DNAH9: variants seen among roughly 807,000 people sequenced by gnomAD.
DNAH9 encodes the protein DNAH9 variant protein.
A neutral mutation model predicts 471.6 loss-of-function variants in DNAH9; 345 were observed. The ratio of observed to expected loss-of-function variants is 0.73; its 90% CI spans 0.67 to 0.80. The LOEUF is 0.80. Ranked by LOEUF, DNAH9 falls within the 30% of genes least tolerant of loss-of-function variation. The pLI is 0.00. For synonymous variants in DNAH9, 2,093 were observed against 2,123.6 expected (o/e 0.99, Z 0.40); for missense variants, 5,407 against 5,609.2 (o/e 0.96, Z 1.15).
At chr17:11,965,122 G>A (rs529113286) in intron 68 of DNAH9, among the ~76,000 whole-genome samples, 1 of 152,328 alleles carries the variant, frequency 6.6e-6, no homozygotes, top group East Asian at 1.9e-4. Context: ...CCCCTGACAT[G>A]TTCCTGGAAA....
At chr17:11,917,920 A>G (rs572250016) in intron 61 of DNAH9, among the ~76,000 whole-genome samples, 7 of 152,024 alleles carry the variant, frequency 4.6e-5, no homozygotes, top group Non-Finnish European at 1.5e-5. Context: ...CTGCAGCATC[A>G]TCTTGCTTGG....
intron 62 of DNAH9, among the ~76,000 whole-genome samples, chr17:11,926,168 G>T (rs1201081591): frequency 6.6e-5 from 10 of 151,688 alleles, no homozygotes. Flanking sequence ...ATAGGCTAAT[G>T]GTTCTGAGAA....
intron 28 of DNAH9, among the ~76,000 whole-genome samples, chr17:11,728,364 A>G (rs1052951855): frequency 6.6e-6 from 1 of 152,122 alleles, no homozygotes; most frequent in African/African-American, 2.4e-5. Flanking sequence ...ATATGGCATG[A>G]ATCGTTTTTG....
Position 11,869,115 on chromosome 17 carries a change from T to C in DNAH9, c.9934-19T>C, listed in dbSNP as rs1186900075. 6.2e-7 allele frequency: 1 copy of C among 1,611,912 alleles called. No individual in the cohort carries two copies. Among genetic ancestry groups the C allele is most frequent in the Admixed American group, 1.7e-5 (1 of 59,794 alleles). On this transcript the variant is annotated intron_variant, in intron 50 of 68. Coordinates refer to ENST00000262442, the MANE Select transcript of DNAH9 (RefSeq NM_001372.4). ...ATGGGCCGAAATGACTGATGGTCCT[T>C]GTATTCCTTCCTAAACAGCACCTTA...
In DNAH9 at chr17:11,859,333, A is replaced by G. The variant is rs142854841; in HGVS notation, c.9933+4905A>G. Among the ~76,000 whole-genome samples, 1,288 of 147,944 alleles carry G rather than the reference A, an allele frequency of 8.7e-3. 19 individuals carry two copies. Among genetic ancestry groups the G allele is most frequent in the African/African-American group, 0.031 (1,228 of 39,658 alleles). On this transcript the variant is annotated intron_variant, in intron 50 of 68. Transcript: ENST00000262442. Reference sequence around the variant, plus strand: ...AGGCTGAGGCAGAAGAATTGCTTGAACCTGGAAGGCAGAGGTTGCAGTGAG... The same window carrying G: ...AGGCTGAGGCAGAAGAATTGCTTGAGCCTGGAAGGCAGAGGTTGCAGTGAG...
chr17:11,879,978 A>C (rs1216913424), intron 53 of DNAH9, 100 bp from the exon 54 acceptor site: 1 of 1,411,994 alleles, frequency 7.1e-7, no homozygotes, highest in African/African-American at 1.4e-5. Flanking sequence ...GCCTCCAACT[A>C]TACCACCATG....
At chr17:11,606,840 C>G (rs1393811210) in intron 1 of DNAH9, among the ~76,000 whole-genome samples, 1 of 152,168 alleles carries the variant, frequency 6.6e-6, no homozygotes, top group Non-Finnish European at 1.5e-5. Flanking sequence ...ACTCTCCTCT[C>G]ATATTAACTT....
At chr17:11,935,230 G>A (rs1408057076) in intron 65 of DNAH9, among the ~76,000 whole-genome samples, 1 of 151,986 alleles carries the variant, frequency 6.6e-6, no homozygotes, top group African/African-American at 2.4e-5. Flanking sequence ...CCAAAGTGCT[G>A]GGATTACAGG....
At chr17:11,662,674 T>A (rs558499588) in intron 14 of DNAH9, among the ~76,000 whole-genome samples, 1 of 151,902 alleles carries the variant, frequency 6.6e-6, no homozygotes, top group African/African-American at 2.4e-5. Context: ...ATTTTTTTCC[T>A]TTAAAGAGTT....
intron 48 of DNAH9, among the ~76,000 whole-genome samples, chr17:11,829,133 G>A (rs561532105): frequency 3.3e-5 from 5 of 152,150 alleles, no homozygotes; most frequent in African/African-American, 4.8e-5. Flanking sequence ...GATTCTTCTA[G>A]TAAAAATGGT....
At chr17:11,931,698 C>T (rs765375971) in intron 63 of DNAH9, among the ~76,000 whole-genome samples, 41 of 152,154 alleles carry the variant, frequency 2.7e-4, no homozygotes, top group Admixed American at 7.9e-4. Flanking sequence ...CCCCACACCC[C>T]GGTACATAAC....
chr17:11,893,691 C>T (rs933834309), intron 58 of DNAH9, among the ~76,000 whole-genome samples: 1 of 152,028 alleles, frequency 6.6e-6, no homozygotes, highest in African/African-American at 2.4e-5. Flanking sequence ...CAGGGAATGT[C>T]ACACACTGGG....
At chr17:11,766,316 A>T (rs1012402217) in intron 36 of DNAH9, among the ~76,000 whole-genome samples, 2 of 151,942 alleles carry the variant, frequency 1.3e-5, no homozygotes, top group African/African-American at 2.4e-5. Context: ...AAAAAAAAAA[A>T]AAAGTCCTGG....
chr17:11,680,884 G>A lies in DNAH9; in HGVS notation c.3738G>A (p.Pro1246=), dbSNP rs192673174. Residue 1246 remains proline (P), a synonymous_variant, in exon 19 of 69, where the codon CCG becomes CCA. Transcript: ENST00000262442. ...GGGAGCAATTCCACAAAGAAGCCCC[G>A]TTCAGGTATGGGCCGAACACTGCTG... ...QFWEQFHKEA[P]FRFDSIHPHQ... is the part of the protein sequence containing the mutation. 64 of 1,609,532 alleles carry A rather than the reference G, an allele frequency of 4.0e-5. No homozygotes were observed. The highest frequency in any genetic ancestry group is 1.8e-4 in the Middle Eastern group (1 of 5,546).
chr17:11,843,011 T>G (rs1229836941), intron 49 of DNAH9, among the ~76,000 whole-genome samples: 1 of 138,508 alleles, frequency 7.2e-6, no homozygotes, highest in Non-Finnish European at 1.7e-5. Context: ...CTCAGTAAAG[T>G]AGGAATAAAA....
chr17:11,810,469 T>C (rs1387715366), intron 45 of DNAH9, 100 bp downstream of exon 45: 1 of 1,462,254 alleles, frequency 6.8e-7, no homozygotes, highest in Non-Finnish European at 9.2e-7. Flanking sequence ...AGTAAGGTCA[T>C]AGTAATGAGG....
At chr17:11,806,758 G>C (rs191583592) in intron 43 of DNAH9, among the ~76,000 whole-genome samples, 1 of 152,268 alleles carries the variant, frequency 6.6e-6, no homozygotes, top group Non-Finnish European at 1.5e-5. Context: ...TTGCTAAATA[G>C]TAGAACTGTG....
At chr17:11,675,865 G>A (rs1383322580) in intron 17 of DNAH9, among the ~76,000 whole-genome samples, 6 of 151,838 alleles carry the variant, frequency 4.0e-5, no homozygotes, top group Non-Finnish European at 7.4e-5. Context: ...ACCTGTTTGT[G>A]ATTGAATTTG....
chr17:11,639,456 A>G (rs1477222662), intron 9 of DNAH9, among the ~76,000 whole-genome samples: 2 of 152,258 alleles, frequency 1.3e-5, no homozygotes, highest in Non-Finnish European at 2.9e-5. Flanking sequence ...ATATAAGCAG[A>G]CAAACCCATT....
Sources: allele counts gnomAD v4.1 joint callset (sites outside exome capture counted in the v4.1 genomes callset), GRCh38; gene constraint gnomAD v4.1.1; transcripts MANE v1.5; gene names NCBI Gene and HGNC (gene_info 2026-07-23, HGNC 2026-07-21).